The following LCT variants were observed in gnomAD, a reference collection of about 807,000 sequenced individuals.
The protein encoded by LCT is lactase/phlorizin hydrolase.
LCT carries 90 observed loss-of-function variants against 173.0 expected under a neutral mutation model. The ratio of observed to expected loss-of-function variants is 0.52; its 90% CI spans 0.44 to 0.62. The LOEUF (loss-of-function observed/expected upper bound fraction) is 0.62. LCT is among the 20% of genes least tolerant of loss of function. The pLI, the probability that LCT is intolerant of heterozygous loss-of-function variation, is 0.00. For missense variants in LCT, 1,864 were observed against 2,431.4 expected (o/e 0.77, Z 4.91); for synonymous variants, 853 against 957.6 (o/e 0.89, Z 2.02).
In LCT at chr2:135,818,174, G is replaced by A. The variant is rs1575343786; in HGVS notation, c.987-113C>T. The A allele has an allele frequency of 3.9e-6, 5 of 1,285,240 alleles. No homozygotes were observed. In the Middle Eastern group the frequency reaches 1.1e-3, roughly 272 times the overall value. The allele number at this position is 1,285,240 out of a possible 1,614,324, so 79.6% of individuals were successfully genotyped here. On this transcript the variant is annotated intron_variant, in intron 5 of 16. Coordinates refer to ENST00000264162, the MANE Select transcript of LCT (RefSeq NM_002299.4). Reference sequence around the variant, plus strand: ...TCAGAAAAGATTCCAGAAACACTGAGTCAAAAGTCATATCTGCAAAGCCAT... The same window carrying A: ...TCAGAAAAGATTCCAGAAACACTGAATCAAAAGTCATATCTGCAAAGCCAT...
At chr2:135,821,170 C>T (rs566808220) in intron 5 of LCT, among the ~76,000 whole-genome samples, 14 of 152,290 alleles carry the variant, frequency 9.2e-5, no homozygotes, top group Admixed American at 4.6e-4. Context: ...CGTGAGCCAC[C>T]GTGCCCGGCA....
chr2:135,802,619 C>T (rs1386313585), intron 11 of LCT, among the ~76,000 whole-genome samples: 1 of 152,116 alleles, frequency 6.6e-6, no homozygotes, highest in Admixed American at 6.6e-5. Context: ...CACAGAAAGG[C>T]AAATACTGCA....
chr2:135,814,545 T>A (rs1045975581), intron 6 of LCT, among the ~76,000 whole-genome samples: 1 of 148,960 alleles, frequency 6.7e-6, no homozygotes, highest in Admixed American at 6.8e-5. Context: ...TGAGATGGAG[T>A]CTCGCTCTGT....
At chr2:135,804,205 A>G in intron 10 of LCT, 77 bp from the exon 11 acceptor site, 2 of 1,118,128 alleles carry the variant, frequency 1.8e-6, no homozygotes, top group Non-Finnish European at 2.7e-6. Flanking sequence ...GCCAGCATCA[A>G]CGTCTGCTGC....
rs187182091 is a variant in LCT, at chr2:135,830,913, T to C, written c.721-1237A>G. Among the ~76,000 whole-genome samples, 40 of 152,320 alleles carry C rather than the reference T, an allele frequency of 2.6e-4. No homozygotes were observed. In the East Asian group the frequency reaches 7.7e-3, roughly 29 times the overall value. On this transcript the variant is annotated intron_variant, in intron 2 of 16. Transcript: ENST00000264162. ...TATCCACAGAGGTTTACACCTTTAATAGGGAGGGTTAGCAAATGCACCAAT... is the reference window on the plus strand; with the variant it reads ...TATCCACAGAGGTTTACACCTTTAACAGGGAGGGTTAGCAAATGCACCAAT...
chr2:135,829,424 C>T (rs569858651), intron 3 of LCT, among the ~76,000 whole-genome samples, 169 bp downstream of exon 3: 41 of 152,112 alleles, frequency 2.7e-4, no homozygotes, highest in Non-Finnish European at 4.6e-4. Context: ...GCCTAACATC[C>T]GATGTTCTCT....
intron 5 of LCT, among the ~76,000 whole-genome samples, chr2:135,820,907 G>A (rs2077822605): frequency 6.6e-6 from 1 of 150,932 alleles, no homozygotes. Context: ...TGGAGATGGA[G>A]TCTCGCTCCA....
chr2:135,833,548 G>A (rs2077957646), intron 1 of LCT, among the ~76,000 whole-genome samples: 1 of 146,688 alleles, frequency 6.8e-6, no homozygotes, highest in South Asian at 2.2e-4. Context: ...CCGCGTTCAC[G>A]CCATTCTCCT....
intron 2 of LCT, among the ~76,000 whole-genome samples, chr2:135,831,509 A>T (rs2077938826): frequency 6.6e-6 from 1 of 152,204 alleles, no homozygotes; most frequent in Non-Finnish European, 1.5e-5. Context: ...ACCCAGAAGC[A>T]TTTCACAGCA....
Position 135,788,510 on chromosome 2 carries a change from C to G in LCT, c.5598G>C (p.Glu1866Asp). Reference sequence around the variant, plus strand: ...GCATTAGCCCCAGGAACTGCACCTCCTCCTGTCTCACGGGGCTGATGGTGG... The same window carrying G: ...GCATTAGCCCCAGGAACTGCACCTCGTCCTGTCTCACGGGGCTGATGGTGG... ...AGPTISPVRQ[E>D]EVQFLGLMLG... Residue 1866 changes from glutamate to aspartate, a missense_variant, in exon 17 of 17, where the codon GAG (glutamate) becomes GAC (aspartate). Coordinates refer to ENST00000264162, the MANE Select transcript of LCT (RefSeq NM_002299.4). 6.2e-7 allele frequency: 1 copy of G among 1,612,350 alleles called. No individual in the cohort carries two copies. The highest frequency in any genetic ancestry group is 8.5e-7 in the Non-Finnish European group (1 of 1,179,680).
chr2:135,804,912 T>C lies in LCT; in HGVS notation c.4319A>G (p.Gln1440Arg). Residue 1440 changes from glutamine to arginine, a missense_variant, in exon 10 of 17, where the codon CAG becomes CGG. Physicochemically the swap from Gln to Arg is conservative, Grantham distance 43. Coordinates refer to ENST00000264162, the MANE Select transcript of LCT (RefSeq NM_002299.4). ...HKIAEDLVTLQNLGVSHYRFS... is the reference protein window; with the variant it reads ...HKIAEDLVTLRNLGVSHYRFS... ...ACGGTAGTGGGACACGCCCAGGTTC[T>C]GCAGGGTGACCAGATCCTCAGCAAT... is the stretch of plus-strand genomic sequence containing the variant. 1.2e-6 allele frequency: 2 copies of C among 1,614,230 alleles called. No homozygotes were observed. Among genetic ancestry groups the C allele is most frequent in the Non-Finnish European group, 1.7e-6 (2 of 1,180,044 alleles).
intron 3 of LCT, among the ~76,000 whole-genome samples, chr2:135,829,162 G>A (rs1414210626): frequency 6.6e-6 from 1 of 152,022 alleles, no homozygotes; most frequent in Non-Finnish European, 1.5e-5. Flanking sequence ...CTGCACCCCA[G>A]CCTGGGCAAC....
intron 7 of LCT, among the ~76,000 whole-genome samples, chr2:135,812,059 C>T (rs913399304): frequency 3.3e-5 from 5 of 152,092 alleles, no homozygotes; most frequent in East Asian, 1.9e-4. Flanking sequence ...AGCTCTCCAG[C>T]GGGCAACACA....
rs1210631209 is a variant in LCT at position 135,822,073 on chromosome 2, G to T, written c.933C>A (p.Thr311=). 2.6e-5 allele frequency: 42 copies of T among 1,605,496 alleles called. No individual in the cohort carries two copies. Among genetic ancestry groups the T allele is most frequent in the Non-Finnish European group, 3.2e-5 (38 of 1,172,322 alleles). The change falls in exon 5 of 17, where the codon ACC becomes ACA. Residue 311 remains threonine, a synonymous_variant. Coordinates refer to ENST00000264162, the MANE Select transcript of LCT (RefSeq NM_002299.4). ...GAAACTCATTAATATCAAACCCAATGGTGAGCACTTGGTCTTTATTTATGG... is the reference window on the plus strand; with the variant it reads ...GAAACTCATTAATATCAAACCCAATTGTGAGCACTTGGTCTTTATTTATGG... ...FEAINKDQVL[T]IGFDINEFLS... is the part of the protein sequence containing the mutation.
rs2077506510 is a variant in LCT at position 135,788,168 on chromosome 2, C to T, written c.*156G>A. On this transcript the variant is annotated 3_prime_UTR_variant, in exon 17 of 17. Transcript: ENST00000264162. ...GATATTTCCATTTTACTCAGCAAGT[C>T]GAAATCATTCAAGATTAAAGTCATC... 4.3e-6 allele frequency: 3 copies of T among 691,024 alleles called. No individual in the cohort carries two copies. Among genetic ancestry groups the T allele is most frequent in the Admixed American group, 2.2e-5 (1 of 46,096 alleles). 42.8% of individuals were successfully genotyped at this position (691,024 alleles called of 1,614,324 possible).
At chr2:135,836,270 C>T (rs1441563056) in intron 1 of LCT, among the ~76,000 whole-genome samples, 4 of 151,948 alleles carry the variant, frequency 2.6e-5, no homozygotes, top group Non-Finnish European at 5.9e-5. Flanking sequence ...CCGCCCACCT[C>T]GGCCTCCCAA....
chr2:135,823,332 G>A (rs1264603623), intron 4 of LCT, among the ~76,000 whole-genome samples: 1 of 152,126 alleles, frequency 6.6e-6, no homozygotes, highest in Admixed American at 6.6e-5. Flanking sequence ...GACTTGATTG[G>A]ACCAGAAGCA....
chr2:135,817,036 T>G (rs961505297), intron 6 of LCT, among the ~76,000 whole-genome samples: 1 of 144,864 alleles, frequency 6.9e-6, no homozygotes, highest in Non-Finnish European at 1.5e-5. Context: ...GCCCAGCTAA[T>G]TTTTGTATTT....
At chr2:135,824,957 A>G (rs2077872579) in intron 3 of LCT, among the ~76,000 whole-genome samples, 1 of 150,722 alleles carries the variant, frequency 6.6e-6, no homozygotes, top group South Asian at 2.1e-4. Flanking sequence ...GAACCGCTGC[A>G]CTTCAGTCTG....
Sources: gnomAD v4.1 joint callset for allele counts (sites outside exome capture counted in the v4.1 genomes callset) on GRCh38, gnomAD v4.1.1 for gene constraint, MANE v1.5 for transcripts, NCBI Gene and HGNC (gene_info 2026-07-23, HGNC 2026-07-21) for gene names.